PSD3: variants seen among roughly 807,000 people sequenced by gnomAD.
PSD3 encodes the protein pleckstrin and Sec7 domain containing 3.
Under a neutral mutation model 105.5 loss-of-function variants are expected in PSD3, and 49 were observed. The ratio of observed to expected loss-of-function variants is 0.46; its 90% CI spans 0.37 to 0.59. The LOEUF (loss-of-function observed/expected upper bound fraction) is 0.59. Among genes scored for constraint, PSD3 ranks in the 20% least tolerant of loss-of-function variants. The probability of loss-of-function intolerance (pLI) is 0.00; values close to 1 mark genes in which losing one functional copy is unlikely to be tolerated. For synonymous variants in PSD3, 557 were observed against 457.8 expected, an observed-to-expected ratio of 1.22 and a Z score of -2.77; for missense variants, 1,561 against 1,263.8, an observed-to-expected ratio of 1.24 and a Z score of -3.57.
chr8:18,692,975 G>C (rs943918504), intron 9 of PSD3, among the ~76,000 whole-genome samples: 16 of 152,144 alleles, frequency 1.1e-4, no homozygotes, highest in African/African-American at 3.9e-4. Flanking sequence ...GTGGGAGTTT[G>C]GACTGGTACT....
At chr8:18,988,473 G>A (rs1014834121) in intron 1 of PSD3, among the ~76,000 whole-genome samples, 14 of 152,272 alleles carry the variant, frequency 9.2e-5, no homozygotes, top group African/African-American at 2.6e-4. Context: ...CAGGGAAGGC[G>A]GCATTTCTAG....
At chr8:18,970,983 A>G (rs1824616443) in intron 1 of PSD3, among the ~76,000 whole-genome samples, 1 of 149,818 alleles carries the variant, frequency 6.7e-6, no homozygotes, top group African/African-American at 2.4e-5. Context: ...TGTCTCAAGA[A>G]AAAAAAAAAA....
At chr8:18,608,175 G>A (rs1370816963) in intron 11 of PSD3, among the ~76,000 whole-genome samples, 3 of 152,100 alleles carry the variant, frequency 2.0e-5, no homozygotes, top group Non-Finnish European at 4.4e-5. Context: ...AGCCATGATC[G>A]TGCCACTGGA....
chr8:19,028,669 A>C (rs968395987), intron 1 of PSD3, among the ~76,000 whole-genome samples: 4 of 152,162 alleles, frequency 2.6e-5, no homozygotes, highest in African/African-American at 9.7e-5. Context: ...GTGTCTTTGA[A>C]GAACAAATGT....
chr8:19,057,086 T>G (rs1828734102), intron 1 of PSD3, among the ~76,000 whole-genome samples: 1 of 152,162 alleles, frequency 6.6e-6, no homozygotes, highest in Non-Finnish European at 1.5e-5. Context: ...TGGTTCCCCT[T>G]GGTTAACCCC....
chr8:18,973,965 T>C (rs867220895), intron 1 of PSD3, among the ~76,000 whole-genome samples: 11 of 152,312 alleles, frequency 7.2e-5, no homozygotes, highest in Non-Finnish European at 1.2e-4. Context: ...CACATTGCTG[T>C]TAAGTAGCAG....
chr8:18,725,378 AT>A (rs1173271389), intron 9 of PSD3, among the ~76,000 whole-genome samples: 1 of 152,214 alleles, frequency 6.6e-6, no homozygotes, highest in Non-Finnish European at 1.5e-5. Context: ...AATATTATAG[AT>A]TTCCTTGGTT....
intron 9 of PSD3, among the ~76,000 whole-genome samples, chr8:18,722,738 C>A (rs1803073012): frequency 3.3e-5 from 5 of 152,198 alleles, no homozygotes; most frequent in Admixed American, 2.0e-4. Flanking sequence ...CCTGGGATGC[C>A]CTGAGGCTGC....
At chr8:18,928,666 CTCTT>C (rs1191015911) in intron 2 of PSD3, among the ~76,000 whole-genome samples, 15 of 152,044 alleles carry the variant, frequency 9.9e-5, no homozygotes, top group Admixed American at 7.2e-4. Flanking sequence ...TGTTCTCTCT[CTCTT>C]TCTTCCTTCC....
At chr8:18,728,096 G>GA (rs1239328907) in intron 9 of PSD3, among the ~76,000 whole-genome samples, 1 of 151,992 alleles carries the variant, frequency 6.6e-6, no homozygotes, top group African/African-American at 2.4e-5. Flanking sequence ...AAGTAGAAGA[G>GA]AGAGTGTTAA....
At chr8:18,639,434 C>A (rs896351329) in intron 10 of PSD3, among the ~76,000 whole-genome samples, 1 of 152,056 alleles carries the variant, frequency 6.6e-6, no homozygotes, top group Non-Finnish European at 1.5e-5. Flanking sequence ...TTGCTCTAGT[C>A]TTAGTGTTAT....
chr8:18,839,141 C>T (rs1814399888), intron 4 of PSD3, among the ~76,000 whole-genome samples: 1 of 151,922 alleles, frequency 6.6e-6, no homozygotes, highest in Non-Finnish European at 1.5e-5. Context: ...GCTCATCTTA[C>T]CCAGAAGAGC....
rs544685118 is a variant in PSD3, at chr8:18,623,302, CTAT to C, written c.2410+9308_2410+9310del. Among the ~76,000 whole-genome samples, 271 of 151,544 alleles carry C rather than the reference CTAT, an allele frequency of 1.8e-3. 2 individuals carry two copies. The highest frequency in any genetic ancestry group is 2.5e-3 in the Non-Finnish European group (168 of 67,898). On this transcript the variant is annotated intron_variant, in intron 11 of 15. Coordinates refer to ENST00000327040, the MANE Select transcript of PSD3 (RefSeq NM_015310.4). ...TAAATTTTCCATGCAATCAGATGTTCTATTGAGTTTTAAAAATTTTATTTATAG... is the reference window on the plus strand; with the variant it reads ...TAAATTTTCCATGCAATCAGATGTTCTGAGTTTTAAAAATTTTATTTATAG...
intron 2 of PSD3, among the ~76,000 whole-genome samples, chr8:18,905,859 G>C (rs1670871760): frequency 6.6e-6 from 1 of 151,982 alleles, no homozygotes; most frequent in East Asian, 1.9e-4. Context: ...TACTTACTAA[G>C]ATTAAAGCAA....
chr8:18,659,496 C>T (rs747335362), intron 9 of PSD3, among the ~76,000 whole-genome samples: 5 of 152,184 alleles, frequency 3.3e-5, no homozygotes, highest in Non-Finnish European at 7.4e-5. Context: ...TTGTTTTTCA[C>T]AAACACTGAC....
At chr8:18,916,296 T>TGA (rs1820580066) in intron 2 of PSD3, among the ~76,000 whole-genome samples, 1 of 28,916 alleles carries the variant, frequency 3.5e-5, no homozygotes, top group Non-Finnish European at 6.2e-5. Context: ...TTAAAAAAAG[T>TGA]GATATATATA....
At chr8:18,920,012 TAAA>T (rs1820899482) in intron 2 of PSD3, among the ~76,000 whole-genome samples, 2 of 111,646 alleles carry the variant, frequency 1.8e-5, no homozygotes, top group African/African-American at 7.2e-5. Flanking sequence ...AAAAAATAAA[TAAA>T]TTAAAAAAAA....
intron 7 of PSD3, among the ~76,000 whole-genome samples, chr8:18,800,776 G>A (rs573909838): frequency 1.3e-5 from 2 of 152,206 alleles, no homozygotes; most frequent in South Asian, 4.2e-4. Context: ...GAGACACAGC[G>A]CAACCACCAG....
chr8:18,858,622 T>C (rs142418721), intron 4 of PSD3, among the ~76,000 whole-genome samples: 47 of 152,308 alleles, frequency 3.1e-4, no homozygotes, highest in African/African-American at 1.1e-3. Context: ...GTTTATGAAA[T>C]ATTCCAAATC....
Sources: gnomAD v4.1 joint callset for allele counts (sites outside exome capture counted in the v4.1 genomes callset) on GRCh38, gnomAD v4.1.1 for gene constraint, MANE v1.5 for transcripts, NCBI Gene and HGNC (gene_info 2026-07-23, HGNC 2026-07-21) for gene names.